ARID4B: variants seen among roughly 807,000 people sequenced by gnomAD.
ARID4B encodes AT-rich interaction domain 4B, also known as AT-rich interactive domain-containing protein 4B.
In ARID4B, 26 loss-of-function variants were observed where a neutral mutation model predicts 147.5. The ratio of observed to expected loss-of-function variants is 0.18; its 90% confidence interval spans 0.13 to 0.24. The LOEUF (loss-of-function observed/expected upper bound fraction) is 0.24. Ranked by LOEUF, ARID4B falls within the 10% of genes least tolerant of loss-of-function variation. The probability of loss-of-function intolerance (pLI) is 1.00; values close to 1 mark genes in which losing one functional copy is unlikely to be tolerated. For missense variants in ARID4B, 1,179 were observed against 1,511.5 expected (o/e 0.78, Z 3.65); for synonymous variants, 512 against 507.9 (o/e 1.01, Z -0.11).
chr1:235,243,969 A>T (rs926571694), intron 7 of ARID4B, among the ~76,000 whole-genome samples: 6 of 152,190 alleles, frequency 3.9e-5, no homozygotes, highest in Admixed American at 3.9e-4. Context: ...ATAGTTACAC[A>T]ATTTTATGAA....
intron 17 of ARID4B, among the ~76,000 whole-genome samples, chr1:235,211,689 C>T (rs183504624): frequency 1.8e-3 from 279 of 152,240 alleles, no homozygotes; most frequent in African/African-American, 6.3e-3. Context: ...AGTGATCCTC[C>T]CACCTCAGTA....
intron 17 of ARID4B, among the ~76,000 whole-genome samples, chr1:235,199,385 T>C (rs1462806252): frequency 1.3e-5 from 2 of 152,216 alleles, no homozygotes; most frequent in African/African-American, 4.8e-5. Flanking sequence ...TTGCCAATTA[T>C]GCTCTTTGTA....
intron 2 of ARID4B, among the ~76,000 whole-genome samples, chr1:235,274,725 A>C (rs536756298): frequency 1.3e-5 from 2 of 152,310 alleles, no homozygotes; most frequent in South Asian, 4.1e-4. Context: ...TAGAAGAATA[A>C]GGCCATAATT....
At chr1:235,276,654 C>T (rs940952608) in intron 2 of ARID4B, among the ~76,000 whole-genome samples, 1 of 151,682 alleles carries the variant, frequency 6.6e-6, no homozygotes, top group African/African-American at 2.4e-5. Context: ...ACAGCAAGAC[C>T]CTGTCTCTTT....
intron 23 of ARID4B, among the ~76,000 whole-genome samples, chr1:235,171,116 T>A (rs1558162340): frequency 6.6e-6 from 1 of 152,160 alleles, no homozygotes; most frequent in African/African-American, 2.4e-5. Flanking sequence ...TGGTTTTAGT[T>A]TTAATTTTTT....
In ARID4B at chr1:235,255,756, G is replaced by A. The variant is rs1669943481; in HGVS notation, c.184-6C>T. On this transcript the variant is annotated splice_region_variant and splice_polypyrimidine_tract_variant and intron_variant, in intron 4 of 23. Transcript: ENST00000264183. ...ACTTCCACAATAGCTCCTACCTAAAGTATTTTTAAACATGTTAGAAAAACT... is the reference window on the plus strand; with the variant it reads ...ACTTCCACAATAGCTCCTACCTAAAATATTTTTAAACATGTTAGAAAAACT... 1 of 1,592,042 alleles carries A rather than the reference G, an allele frequency of 6.3e-7. No individual in the cohort carries two copies. The highest frequency in any genetic ancestry group is 8.5e-7 in the Non-Finnish European group (1 of 1,169,862).
At chr1:235,217,056 T>G (rs1194412899) in intron 16 of ARID4B, among the ~76,000 whole-genome samples, 1 of 152,160 alleles carries the variant, frequency 6.6e-6, no homozygotes, top group Non-Finnish European at 1.5e-5. Context: ...CAATCATACT[T>G]TAAGTAGTAG....
At chr1:235,240,759 T>A (rs763280060) in intron 7 of ARID4B, among the ~76,000 whole-genome samples, 1 of 152,118 alleles carries the variant, frequency 6.6e-6, no homozygotes, top group East Asian at 1.9e-4. Context: ...ATATTAAACA[T>A]CCCAGTATTA....
At chr1:235,240,202 G>A in intron 8 of ARID4B, 111 bp downstream of exon 8, 2 of 1,004,852 alleles carry the variant, frequency 2.0e-6, no homozygotes, top group Admixed American at 2.8e-5. Flanking sequence ...ACTAAATAAT[G>A]CTAAAAACAT....
intron 23 of ARID4B, among the ~76,000 whole-genome samples, chr1:235,171,638 T>C (rs781646373): frequency 6.7e-5 from 10 of 149,448 alleles, no homozygotes; most frequent in Non-Finnish European, 1.2e-4. Context: ...AGTTTCTGGA[T>C]AGATGTCTTT....
intron 2 of ARID4B, among the ~76,000 whole-genome samples, chr1:235,321,623 A>C (rs945847075): frequency 1.3e-5 from 2 of 151,774 alleles, no homozygotes; most frequent in Non-Finnish European, 2.9e-5. Flanking sequence ...CTCCTGCCTC[A>C]GCGTCCTACA....
intron 7 of ARID4B, among the ~76,000 whole-genome samples, chr1:235,241,543 G>A (rs564075256): frequency 5.3e-5 from 8 of 151,994 alleles, no homozygotes; most frequent in Admixed American, 2.0e-4. Context: ...TTTTTGAGGC[G>A]GAGTCTAGCT....
At chr1:235,198,476 G>T (rs1041620240) in intron 17 of ARID4B, among the ~76,000 whole-genome samples, 2 of 152,176 alleles carry the variant, frequency 1.3e-5, no homozygotes, top group Non-Finnish European at 2.9e-5. Context: ...AATGTATGTT[G>T]TTTAAATTCT....
At chr1:235,246,657 A>G in intron 6 of ARID4B, 146 bp from the exon 7 acceptor site, 1 of 575,418 alleles carries the variant, frequency 1.7e-6, no homozygotes, top group South Asian at 2.7e-5. Flanking sequence ...TCCTAAAGAT[A>G]GAAAATTCTA....
intron 21 of ARID4B, chr1:235,176,636 C>A (rs2102908939): frequency 3.8e-6 from 1 of 264,622 alleles, no homozygotes; most frequent in Non-Finnish European, 7.9e-6. Context: ...CTGGCAACTC[C>A]TAGCTAAGCC....
chr1:235,309,013 C>T (rs537190794), intron 2 of ARID4B, among the ~76,000 whole-genome samples: 3 of 144,084 alleles, frequency 2.1e-5, no homozygotes, highest in Non-Finnish European at 3.0e-5. Context: ...CGGCCGCCAT[C>T]CCATCTAGGA....
chr1:235,252,344 TAATAGC>T (rs1444189363), intron 6 of ARID4B, among the ~76,000 whole-genome samples: 3 of 152,200 alleles, frequency 2.0e-5, no homozygotes, highest in Non-Finnish European at 4.4e-5. Flanking sequence ...TAATATCAGC[TAATAGC>T]AGTAGCAGTA....
At chr1:235,219,498 A>G (rs545753160) in intron 16 of ARID4B, among the ~76,000 whole-genome samples, 61 of 152,312 alleles carry the variant, frequency 4.0e-4, no homozygotes, top group African/African-American at 1.4e-3. Flanking sequence ...ACATAGCCCC[A>G]AGTTTATATT....
intron 2 of ARID4B, among the ~76,000 whole-genome samples, chr1:235,314,130 C>G (rs758940835): frequency 6.6e-6 from 1 of 152,018 alleles, no homozygotes; most frequent in Non-Finnish European, 1.5e-5. Flanking sequence ...TAGATGAGGA[C>G]ACCAGTCTTC....
Sources: gnomAD v4.1 joint callset for allele counts (sites outside exome capture counted in the v4.1 genomes callset) on GRCh38, gnomAD v4.1.1 for gene constraint, MANE v1.5 for transcripts, NCBI Gene and HGNC (gene_info 2026-07-23, HGNC 2026-07-21) for gene names.